Variants in TPO observed in about 807,000 individuals in gnomAD.
TPO encodes thyroid peroxidase.
A neutral mutation model predicts 96.9 loss-of-function variants in TPO; 78 were observed. The ratio of observed to expected loss-of-function variants is 0.81; its 90% CI spans 0.67 to 0.97. The LOEUF is 0.97. Among genes scored for constraint, TPO ranks in the 50% least tolerant of loss-of-function variants. The pLI is 0.00. For missense variants in TPO, 1,252 were observed against 1,274.8 expected (o/e 0.98, Z 0.27); for synonymous variants, 547 against 538.0 (o/e 1.02, Z -0.23).
chr2:1,386,339 G>T lies in TPO; in HGVS notation n.180+11937G>T, dbSNP rs534198441. 3.3e-5 allele frequency among the ~76,000 whole-genome samples: 5 copies of T among 151,856 alleles called. No homozygotes were observed. In the East Asian group the frequency reaches 5.8e-4, roughly 18 times the overall value. On this transcript the variant is annotated intron_variant and non_coding_transcript_variant, in intron 1 of 5. Coordinates refer to the TPO transcript ENST00000497517. ...TGTTAAAGTCTCCCATTATTATTGT[G>T]TGGGAGTCTAAGTCTCTTTGTAGGT...
At chr2:1,426,493 C>T (rs1664411090) in intron 3 of TPO, among the ~76,000 whole-genome samples, 3 of 152,170 alleles carry the variant, frequency 2.0e-5, no homozygotes, top group Admixed American at 2.0e-4. Context: ...TCGATCATTT[C>T]ATATCCTCAA....
At chr2:1,528,244 C>T (rs1382346398) in intron 15 of TPO, among the ~76,000 whole-genome samples, 4 of 113,048 alleles carry the variant, frequency 3.5e-5, no homozygotes, top group Non-Finnish European at 6.9e-5. Context: ...CTCCCCAAAT[C>T]CCCCCAATGT....
intron 1 of TPO, among the ~76,000 whole-genome samples, chr2:1,406,438 C>A (rs148698508): frequency 6.6e-6 from 1 of 152,218 alleles, no homozygotes; most frequent in African/African-American, 2.4e-5. Flanking sequence ...ATCCTATTAT[C>A]CACGTGAATA....
In TPO at chr2:1,493,794, C is replaced by G; in HGVS notation, c.1769-8C>G. On this transcript the variant is annotated splice_region_variant and splice_polypyrimidine_tract_variant and intron_variant, in intron 10 of 16. Transcript: ENST00000329066. ...TGAGAGAAACCCTGCAGCCTCTCCC[C>G]TGTGCAGGTTACAATGAGTGGAGGG... is the stretch of plus-strand genomic sequence containing the variant. 3.1e-6 allele frequency: 5 copies of G among 1,613,818 alleles called. No individual in the cohort carries two copies. Among genetic ancestry groups the G allele is most frequent in the Non-Finnish European group, 4.2e-6 (5 of 1,179,726 alleles).
intron 1 of TPO, among the ~76,000 whole-genome samples, chr2:1,383,772 G>C (rs1661846611): frequency 6.6e-6 from 1 of 152,166 alleles, no homozygotes. Flanking sequence ...ATTGTTTTTG[G>C]TGTTTTAGCC....
At chr2:1,537,442 CCAAATCT>C (rs1680020773) in intron 15 of TPO, among the ~76,000 whole-genome samples, 361 of 78,634 alleles carry the variant, frequency 4.6e-3, no homozygotes, top group Non-Finnish European at 6.5e-3. Flanking sequence ...GTGCAAACTC[CCAAATCT>C]CCCCACTGTG....
At chr2:1,423,900 A>G (rs1016235509) in intron 3 of TPO, among the ~76,000 whole-genome samples, 2 of 152,352 alleles carry the variant, frequency 1.3e-5, no homozygotes, top group South Asian at 4.1e-4. Flanking sequence ...GCACACTTTA[A>G]TATGTCTAAA....
intron 7 of TPO, among the ~76,000 whole-genome samples, chr2:1,469,938 T>G (rs930662016): frequency 3.9e-5 from 6 of 152,204 alleles, no homozygotes; most frequent in African/African-American, 1.4e-4. Context: ...CTCCACACAC[T>G]GCTCTGTTTG....
intron 1 of TPO, among the ~76,000 whole-genome samples, chr2:1,377,887 G>C (rs1341841608): frequency 1.3e-5 from 2 of 152,304 alleles, no homozygotes; most frequent in Non-Finnish European, 2.9e-5. Context: ...TGGTTTCACT[G>C]TGTCCCCACC....
chr2:1,383,050 T>C lies in TPO; in HGVS notation n.180+8648T>C, dbSNP rs559537642. Among the ~76,000 whole-genome samples the C allele has an allele frequency of 3.9e-5, 6 of 152,244 alleles. No homozygotes were observed. The South Asian group carries it at 1.0e-3, about 26-fold the overall frequency. On this transcript the variant is annotated intron_variant and non_coding_transcript_variant, in intron 1 of 5. Transcript: ENST00000497517. ...TTCATCCATGTCCCTACAAAGGACATGAACTCATCATTTTTTATGGCCGCA... is the reference window on the plus strand; with the variant it reads ...TTCATCCATGTCCCTACAAAGGACACGAACTCATCATTTTTTATGGCCGCA...
chr2:1,422,344 C>CTTCGTGCAGGCGCCTCTCCTGGACA (rs1558264301), intron 2 of TPO, among the ~76,000 whole-genome samples: 1,709 of 77,436 alleles, frequency 0.022, 57 homozygotes, highest in Middle Eastern at 0.061. Context: ...TCTCCTGGAC[C>CTTCGTGCAGGCGCCTCTCCTGGACA]GACCTCGTGC....
chr2:1,503,498 AC>A (rs1013301598), intron 13 of TPO, among the ~76,000 whole-genome samples: 12 of 152,180 alleles, frequency 7.9e-5, no homozygotes, highest in Admixed American at 5.9e-4. Context: ...AGGGGACCCC[AC>A]ATCCTCACTG....
upstream of TPO, among the ~76,000 whole-genome samples, chr2:1,410,384 G>T (rs1169470058): frequency 6.6e-6 from 1 of 152,220 alleles, no homozygotes; most frequent in African/African-American, 2.4e-5. Flanking sequence ...CACATGTCAG[G>T]TGAGTCAAGT....
chr2:1,419,997 A>G (rs530835562), intron 2 of TPO, among the ~76,000 whole-genome samples: 133 of 152,326 alleles, frequency 8.7e-4, no homozygotes, highest in African/African-American at 3.1e-3. Flanking sequence ...AACCTAAACA[A>G]TGAAAACACC....
intron 13 of TPO, among the ~76,000 whole-genome samples, chr2:1,500,904 G>A (rs1308235633): frequency 6.6e-6 from 1 of 151,758 alleles, no homozygotes; most frequent in Non-Finnish European, 1.5e-5. Flanking sequence ...CCCGGGAGAT[G>A]GAGGTTTCAG....
chr2:1,432,443 C>T (rs1408602450), intron 3 of TPO, among the ~76,000 whole-genome samples: 1 of 152,182 alleles, frequency 6.6e-6, no homozygotes, highest in South Asian at 2.1e-4. Flanking sequence ...CTAAAAAGGC[C>T]AGGTGCTTGT....
intron 14 of TPO, among the ~76,000 whole-genome samples, chr2:1,507,072 G>C (rs1390262305): frequency 1.3e-5 from 2 of 152,078 alleles, no homozygotes; most frequent in Admixed American, 6.6e-5. Context: ...TAAGGTGTAA[G>C]GAAGGGATCC....
intron 15 of TPO, among the ~76,000 whole-genome samples, chr2:1,532,925 A>G (rs1203262368): frequency 1.8e-5 from 2 of 112,130 alleles, no homozygotes; most frequent in Non-Finnish European, 3.5e-5. Flanking sequence ...ACCTCGCAAA[A>G]TCTCCCCCAC....
chr2:1,390,586 ATCC>A, intron 1 of TPO, among the ~76,000 whole-genome samples: 1 of 152,292 alleles, frequency 6.6e-6, no homozygotes, highest in East Asian at 1.9e-4. Context: ...CTATTTCTAG[ATCC>A]TTGAGGGATC....
Sources: allele counts gnomAD v4.1 joint callset (sites outside exome capture counted in the v4.1 genomes callset), GRCh38; gene constraint gnomAD v4.1.1; transcripts MANE v1.5; gene names NCBI Gene and HGNC (gene_info 2026-07-23, HGNC 2026-07-21).